NTRK2: variants seen among roughly 807,000 people sequenced by gnomAD.
NTRK2 encodes the protein neurotrophic receptor tyrosine kinase 2.
Under a neutral mutation model 94.5 loss-of-function variants are expected in NTRK2, and 13 were observed. The observed-to-expected ratio is 0.14, with a 90% CI of 0.09 to 0.22. The LOEUF is 0.22. Ranked by LOEUF, NTRK2 falls within the 10% of genes least tolerant of loss-of-function variation. The pLI is 1.00. For synonymous variants in NTRK2, 372 were observed against 407.4 expected, an observed-to-expected ratio of 0.91 and a Z score of 1.05; for missense variants, 639 against 1,071.2, an observed-to-expected ratio of 0.60 and a Z score of 5.63.
intron 6 of NTRK2, among the ~76,000 whole-genome samples, chr9:84,718,840 AG>A (rs1238541962): frequency 1.3e-5 from 2 of 152,316 alleles, no homozygotes; most frequent in South Asian, 4.1e-4. Context: ...TGGTATTTCA[AG>A]TACAGATTGT....
chr9:84,815,518 G>C, intron 12 of NTRK2: 1 of 941,168 alleles, frequency 1.1e-6, no homozygotes, highest in Non-Finnish European at 1.3e-6. Context: ...CTCATGCCCT[G>C]TTTTTTTTTT....
chr9:84,935,345 T>A (rs1320287651), intron 15 of NTRK2, among the ~76,000 whole-genome samples: 1 of 152,216 alleles, frequency 6.6e-6, no homozygotes, highest in African/African-American at 2.4e-5. Flanking sequence ...AATGTTTCAG[T>A]ACATACATAA....
rs562830281 is a variant in NTRK2 at position 84,882,185 on chromosome 9, T to C, written c.1633+14754T>C. 5.5e-5 allele frequency among the ~76,000 whole-genome samples: 8 copies of C among 146,510 alleles called. No individual in the cohort carries two copies. In the South Asian group the frequency reaches 1.7e-3, roughly 32 times the overall value. ...TAGCCATCAAGCCAGGCTTCTTTCA[T>C]GCTCCCACCAACACACACACACACA... On this transcript the variant is annotated intron_variant, in intron 14 of 18. Coordinates refer to ENST00000277120, the MANE Select transcript of NTRK2 (RefSeq NM_006180.6).
At chr9:84,716,015 A>T (rs2061689626) in intron 6 of NTRK2, among the ~76,000 whole-genome samples, 1 of 152,200 alleles carries the variant, frequency 6.6e-6, no homozygotes. Context: ...AATACATTTA[A>T]GAAAGGCAGT....
At chr9:84,682,297 C>T (rs541457393) in intron 2 of NTRK2, among the ~76,000 whole-genome samples, 1 of 152,306 alleles carries the variant, frequency 6.6e-6, no homozygotes, top group South Asian at 2.1e-4. Flanking sequence ...CTCTGAAATG[C>T]ATTAACTTTA....
chr9:84,874,289 A>G, intron 14 of NTRK2: 9 of 1,065,514 alleles, frequency 8.4e-6, no homozygotes, highest in Non-Finnish European at 1.0e-5. Flanking sequence ...CCTCTGGTTA[A>G]GTAGAGATGG....
chr9:84,894,922 C>G (rs2076715161), intron 14 of NTRK2, among the ~76,000 whole-genome samples: 1 of 152,140 alleles, frequency 6.6e-6, no homozygotes, highest in African/African-American at 2.4e-5. Flanking sequence ...CTGGGCTCAG[C>G]TGGAACAAAA....
At chr9:84,860,245 A>C (rs1028997791) in intron 12 of NTRK2, among the ~76,000 whole-genome samples, 2 of 152,208 alleles carry the variant, frequency 1.3e-5, no homozygotes, top group Admixed American at 6.5e-5. Flanking sequence ...CTTTGAATCC[A>C]GCGGAAATTA....
chr9:84,842,565 A>G (rs574236795), intron 12 of NTRK2, among the ~76,000 whole-genome samples: 50 of 152,090 alleles, frequency 3.3e-4, no homozygotes, highest in Non-Finnish European at 5.7e-4. Flanking sequence ...TTCCACCCAT[A>G]GTGCTGCTTC....
chr9:84,814,693 G>A (rs1367366744), intron 12 of NTRK2: 2 of 1,064,570 alleles, frequency 1.9e-6, no homozygotes, highest in East Asian at 5.0e-5. Flanking sequence ...TACACTAGAA[G>A]TTTATTTCAT....
intron 8 of NTRK2, among the ~76,000 whole-genome samples, chr9:84,727,403 G>T (rs2062542595): frequency 6.6e-6 from 1 of 152,182 alleles, no homozygotes. Context: ...ATACTGAATA[G>T]ATTTGAGAAA....
chr9:84,697,709 G>C (rs371818881), intron 2 of NTRK2, among the ~76,000 whole-genome samples: 7 of 152,300 alleles, frequency 4.6e-5, no homozygotes, highest in South Asian at 2.1e-4. Context: ...TCACCAGGAG[G>C]GGGCAGCGCA....
intron 14 of NTRK2, among the ~76,000 whole-genome samples, chr9:84,908,788 A>C (rs2077152477): frequency 6.6e-6 from 1 of 152,186 alleles, no homozygotes; most frequent in African/African-American, 2.4e-5. Flanking sequence ...GTTCCTTACA[A>C]GCAAGTAATG....
chr9:84,720,266 A>C (rs2061977689), intron 6 of NTRK2, among the ~76,000 whole-genome samples: 1 of 152,154 alleles, frequency 6.6e-6, no homozygotes, highest in Non-Finnish European at 1.5e-5. Flanking sequence ...AGGTGACTGC[A>C]CCTCTCCTGC....
intron 17 of NTRK2, among the ~76,000 whole-genome samples, chr9:84,965,450 T>C (rs564067286): frequency 2.0e-5 from 3 of 152,066 alleles, no homozygotes; most frequent in African/African-American, 7.2e-5. Context: ...ATAAACTGAT[T>C]TGGGGGGAGA....
intron 17 of NTRK2, chr9:84,955,722 T>C: frequency 1.5e-6 from 1 of 655,232 alleles, no homozygotes; most frequent in Non-Finnish European, 2.8e-6. Context: ...GCTCCTTGGC[T>C]TGCAGGTGGC....
intron 12 of NTRK2, among the ~76,000 whole-genome samples, chr9:84,759,324 A>G (rs1366664837): frequency 6.6e-6 from 1 of 152,232 alleles, no homozygotes; most frequent in Admixed American, 6.5e-5. Context: ...TCTTTACAAC[A>G]TATTGAAAAT....
chr9:84,914,877 C>T (rs760396213), intron 14 of NTRK2, among the ~76,000 whole-genome samples: 1 of 152,174 alleles, frequency 6.6e-6, no homozygotes, highest in Non-Finnish European at 1.5e-5. Flanking sequence ...ACCTTTCAGT[C>T]TTCTTATGTT....
At chr9:84,881,174 G>T (rs1204059305) in intron 14 of NTRK2, among the ~76,000 whole-genome samples, 2 of 152,202 alleles carry the variant, frequency 1.3e-5, no homozygotes, top group Non-Finnish European at 2.9e-5. Flanking sequence ...GTTTCTGCAT[G>T]AATCTCGAAA....
Sources: allele counts gnomAD v4.1 joint callset (sites outside exome capture counted in the v4.1 genomes callset), GRCh38; gene constraint gnomAD v4.1.1; transcripts MANE v1.5; gene names NCBI Gene and HGNC (gene_info 2026-07-23, HGNC 2026-07-21).